Variants in WNK2 observed in about 807,000 individuals in gnomAD.
WNK2 encodes WNK lysine deficient protein kinase 2.
WNK2 carries 67 observed loss-of-function variants against 192.1 expected under a neutral mutation model. The observed-to-expected ratio is 0.35, with a 90% CI of 0.29 to 0.43. The LOEUF is 0.43. Ranked by LOEUF, WNK2 falls within the 20% of genes least tolerant of loss-of-function variation. WNK2 has a pLI of 1.00. For synonymous variants in WNK2, 1,439 were observed against 1,393.9 expected, an observed-to-expected ratio of 1.03 and a Z score of -0.72; for missense variants, 2,698 against 3,089.7, an observed-to-expected ratio of 0.87 and a Z score of 3.01.
chr9:93,311,613 T>TG (rs1853656307), intron 28 of WNK2, among the ~76,000 whole-genome samples: 1 of 146,076 alleles, frequency 6.8e-6, no homozygotes, highest in Non-Finnish European at 1.5e-5. Context: ...GTTTTTTTGT[T>TG]TGTGTGTGTG....
chr9:93,298,042 G>A lies in WNK2; in HGVS notation c.5898G>A (p.Gln1966=). 6.4e-7 allele frequency: 1 copy of A among 1,551,440 alleles called. No individual in the cohort carries two copies. Among genetic ancestry groups the A allele is most frequent in the African/African-American group, 1.4e-5 (1 of 73,216 alleles). Reference sequence around the variant, plus strand: ...AGCTGCTAAATCCCCTGGTGCGGCAGCTCAAGGTCGTGGCCTCCAGCACAG... The same window carrying A: ...AGCTGCTAAATCCCCTGGTGCGGCAACTCAAGGTCGTGGCCTCCAGCACAG... ...AGKLLNPLVR[Q]LKVVASSTGH... Residue 1966 remains glutamine (Q), a synonymous_variant, in exon 24 of 30, where the codon CAG becomes CAA. Coordinates refer to ENST00000427277, the MANE Select transcript of WNK2 (RefSeq NM_006648.4).
intron 3 of WNK2, 101 bp from the exon 4 acceptor site, chr9:93,230,787 A>G: frequency 9.3e-7 from 1 of 1,073,592 alleles, no homozygotes; most frequent in South Asian, 1.5e-5. Flanking sequence ...TGTGCACGGG[A>G]ATGGACTTTG....
chr9:93,311,699 CA>C (rs1853688375), intron 28 of WNK2, among the ~76,000 whole-genome samples: 1 of 151,612 alleles, frequency 6.6e-6, no homozygotes, highest in Non-Finnish European at 1.5e-5. Flanking sequence ...GATCTTGGCT[CA>C]CTGTAACCTC....
intron 2 of WNK2, among the ~76,000 whole-genome samples, chr9:93,223,505 T>C (rs544838884): frequency 6.6e-6 from 1 of 152,368 alleles, no homozygotes; most frequent in East Asian, 1.9e-4. Context: ...TTTTCTCATC[T>C]GTTGGCTGCG....
chr9:93,305,723 G>T (rs745741615), intron 26 of WNK2, among the ~76,000 whole-genome samples: 1 of 152,232 alleles, frequency 6.6e-6, no homozygotes, highest in African/African-American at 2.4e-5. Context: ...GAAGGCAGAC[G>T]TTGCCAGGTT....
chr9:93,297,883 C>A lies in WNK2; in HGVS notation c.5739C>A (p.Ser1913Arg). ...KHLKEISELQ[S>R]QQKQEIEALY... Reference sequence around the variant, plus strand: ...TGAAGGAGATCTCGGAGCTGCAGAGCCAGCAGAAGCAGGAGATCGAAGCTC... The same window carrying A: ...TGAAGGAGATCTCGGAGCTGCAGAGACAGCAGAAGCAGGAGATCGAAGCTC... Residue 1913 changes from serine (S) to arginine (R), a missense_variant, in exon 24 of 30, where the codon AGC becomes AGA. Ser to Arg is a moderately radical substitution (Grantham distance 110, BLOSUM62 -1). Around this residue, in one of 7 missense-constraint regions of WNK2, gnomAD observed 1,098 missense variants for 1,101.0 expected, o/e 1.00. Transcript: ENST00000427277. The A allele has an allele frequency of 6.3e-7, 1 of 1,591,682 alleles. No individual in the cohort carries two copies.
At chr9:93,189,649 C>T (rs1408438861) in intron 2 of WNK2, among the ~76,000 whole-genome samples, 1 of 152,236 alleles carries the variant, frequency 6.6e-6, no homozygotes, top group Admixed American at 6.5e-5. Context: ...CCAAGGACAG[C>T]CCAGCCACCC....
chr9:93,219,687 T>C (rs1029226420), intron 2 of WNK2, among the ~76,000 whole-genome samples: 4 of 152,234 alleles, frequency 2.6e-5, no homozygotes, highest in Non-Finnish European at 5.9e-5. Context: ...GAAGAGGCTA[T>C]GTGGGGGCTC....
Position 93,258,986 on chromosome 9 carries a change from T to A in WNK2, c.2438T>A (p.Leu813His), listed in dbSNP as rs748131140. ...PITPLAGIDG[L>H]PPALPDLPTA... The stretch of plus-strand genomic sequence containing the variant: ...ACGCCCCTGGCGGGAATCGACGGCC[T>A]CCCTCCGGCCCTCCCAGACCTGCCG... Residue 813 changes from leucine to histidine, a missense_variant, in exon 12 of 30, where the codon CTC becomes CAC. Leu to His is a moderately conservative substitution (Grantham distance 99). Around this residue, in one of 7 missense-constraint regions of WNK2, gnomAD observed 893 missense variants for 909.0 expected, o/e 0.98. Transcript: ENST00000427277. 6.2e-7 allele frequency: 1 copy of A among 1,612,206 alleles called. No individual in the cohort carries two copies. The highest frequency in any genetic ancestry group is 8.5e-7 in the Non-Finnish European group (1 of 1,179,598).
intron 23 of WNK2, among the ~76,000 whole-genome samples, chr9:93,295,991 ACCTT>A (rs1269207004): frequency 1.6e-5 from 1 of 63,144 alleles, no homozygotes; most frequent in Non-Finnish European, 3.1e-5. Context: ...TCCTCCCTTC[ACCTT>A]CCTTCCCTCT....
intron 26 of WNK2, 187 bp downstream of exon 26, chr9:93,300,336 A>C (rs1291612538): frequency 1.8e-6 from 1 of 550,704 alleles, no homozygotes; most frequent in East Asian, 3.1e-5. Flanking sequence ...GCCAGCGCCT[A>C]CCCCCAAGCC....
At chr9:93,319,143 C>T (rs746205595) in intron 29 of WNK2, 2 of 1,613,950 alleles carry the variant, frequency 1.2e-6, no homozygotes, top group East Asian at 4.5e-5. Flanking sequence ...ACATGGTGGT[C>T]AGTGGCACGG....
At position 93,262,127 on chromosome 9, in the gene WNK2, GCCTGTC is replaced by G. The variant is rs1588270746; in HGVS notation, c.3360+23_3360+28del. The G allele has an allele frequency of 6.4e-7, 1 of 1,561,022 alleles. No homozygotes were observed. The highest frequency in any genetic ancestry group is 8.7e-7 in the Non-Finnish European group (1 of 1,147,768). ...CAAGAGGTGTGTGCCCCTCCCCCCA[GCCTGTC>G]CCATGACTGGGCAGTTGCGGCCACC... On this transcript the variant is annotated intron_variant, in intron 13 of 29. Coordinates refer to ENST00000427277, the MANE Select transcript of WNK2 (RefSeq NM_006648.4).
At chr9:93,222,782 A>T (rs1837148738) in intron 2 of WNK2, among the ~76,000 whole-genome samples, 1 of 152,052 alleles carries the variant, frequency 6.6e-6, no homozygotes, top group South Asian at 2.1e-4. Context: ...TCCCGGGTTC[A>T]AGCGATTCTC....
At chr9:93,296,769 T>C (rs1588523497) in intron 23 of WNK2, among the ~76,000 whole-genome samples, 1 of 82,118 alleles carries the variant, frequency 1.2e-5, no homozygotes, top group South Asian at 5.4e-4. Flanking sequence ...TTCTCCATCC[T>C]CCCCTCACCT....
chr9:93,288,797 C>G lies in WNK2; in HGVS notation c.4043C>G (p.Pro1348Arg). 2 of 1,610,714 alleles carry G rather than the reference C, an allele frequency of 1.2e-6. No homozygotes were observed. The highest frequency in any genetic ancestry group is 1.7e-6 in the Non-Finnish European group (2 of 1,178,952). Residue 1348 changes from proline (P) to arginine (R), a missense_variant, in exon 20 of 30, where the codon CCC (proline) becomes CGC (arginine). This residue lies in a region of WNK2 where 1,098 missense variants were observed against 1,101.0 expected (regional missense o/e 1.00). Transcript: ENST00000427277. Reference sequence around the variant, plus strand: ...TCCCCATTTCTTCTAGATTCAGCGCCCTATAAAGACCAGCTGTCCTCGAAG... The same window carrying G: ...TCCCCATTTCTTCTAGATTCAGCGCGCTATAAAGACCAGCTGTCCTCGAAG... ...LPPEASQDSA[P>R]YKDQLSSKEQ...
chr9:93,308,440 C>T lies in WNK2; in HGVS notation c.6372C>T (p.Asp2124=), dbSNP rs375585795. Residue 2124 remains aspartate (D), a synonymous_variant, in exon 28 of 30, where the codon GAC becomes GAT. Transcript: ENST00000427277. Reference sequence around the variant, plus strand: ...ACAAGAAGGGTACCTTCACGGACGACCTGCACAAGCTGGTGGACGAGTGGA... The same window carrying T: ...ACAAGAAGGGTACCTTCACGGACGATCTGCACAAGCTGGTGGACGAGTGGA... ...SNNKKGTFTD[D]LHKLVDEWTS... The T allele has an allele frequency of 3.7e-6, 6 of 1,609,730 alleles. No individual in the cohort carries two copies. Among genetic ancestry groups the T allele is most frequent in the Non-Finnish European group, 5.1e-6 (6 of 1,178,464 alleles).
Position 93,239,713 on chromosome 9 carries a change from G to A in WNK2, c.1323-44G>A, listed in dbSNP as rs1183846946. ...TGGACACAGGAGCCTGGGCATGGAG[G>A]CCCTGGCGCCCGTGCCCCTGCCTGT... On this transcript the variant is annotated intron_variant, in intron 6 of 29. Transcript: ENST00000427277. This position sits in a 1 kb window ranked among gnomAD's most constrained non-coding sequence, Gnocchi z 4.2. The A allele has an allele frequency of 6.6e-7, 1 of 1,516,942 alleles. No homozygotes were observed. Among genetic ancestry groups the A allele is most frequent in the Non-Finnish European group, 8.9e-7 (1 of 1,121,580 alleles). 94.0% of individuals were successfully genotyped at this position (1,516,942 alleles called of 1,614,324 possible). A position where few individuals can be genotyped will look rare whatever the true frequency, so the allele number is the denominator to read the frequency against.
intron 2 of WNK2, among the ~76,000 whole-genome samples, chr9:93,220,834 G>A (rs1282450420): frequency 6.6e-6 from 1 of 152,326 alleles, no homozygotes; most frequent in East Asian, 1.9e-4. Flanking sequence ...GTGGTCCACA[G>A]TCCTGTCAGC....
Sources: gnomAD v4.1 joint callset for allele counts (sites outside exome capture counted in the v4.1 genomes callset) on GRCh38, gnomAD v4.1.1 for gene constraint, gnomAD v4.1.1 regional missense constraint, Gnocchi (gnomAD v3.1) non-coding constraint, MANE v1.5 for transcripts, NCBI Gene and HGNC (gene_info 2026-07-23, HGNC 2026-07-21) for gene names.